Variants in WDFY2 observed in about 807,000 individuals in gnomAD.
The protein encoded by WDFY2 is WD repeat and FYVE domain-containing protein 2.
In WDFY2, 36 loss-of-function variants were observed where a neutral mutation model predicts 56.4. The observed-to-expected ratio is 0.64, with a 90% confidence interval of 0.49 to 0.84. The LOEUF is 0.84. WDFY2 is among the 40% of genes least tolerant of loss of function. The pLI is 0.00. For missense variants in WDFY2, 444 were observed against 512.2 expected (o/e 0.87, Z 1.29); for synonymous variants, 176 against 183.7 (o/e 0.96, Z 0.34).
At position 51,767,129 on chromosome 13, in the gene WDFY2, T is replaced by G. The variant is rs9596570; in HGVS notation, c.*7360T>G. 1.3e-5 allele frequency: 2 copies of G among 152,228 alleles called. No individual in the cohort carries two copies. Among genetic ancestry groups the G allele is most frequent in the Non-Finnish European group, 2.9e-5 (2 of 68,038 alleles). 9.4% of individuals were successfully genotyped at this position (152,228 alleles called of 1,614,324 possible). On this transcript the variant is annotated 3_prime_UTR_variant, in exon 12 of 12. Transcript: ENST00000298125. ...AAAGCCTCATTTAAAACTTGTGAGG[T>G]TCATTTTATGGAGAAGAAAAATAGG... is the stretch of plus-strand genomic sequence containing the variant.
At chr13:51,701,982 G>A (rs146715422) in intron 3 of WDFY2, among the ~76,000 whole-genome samples, 3,071 of 152,202 alleles carry the variant, frequency 0.02, 35 homozygotes, top group Non-Finnish European at 0.029. Flanking sequence ...CACACTATAA[G>A]CACTTTATAG....
chr13:51,647,786 A>C (rs1258927006), intron 1 of WDFY2, among the ~76,000 whole-genome samples: 4 of 151,668 alleles, frequency 2.6e-5, no homozygotes, highest in Admixed American at 6.6e-5. Context: ...AAAAAAAAAA[A>C]ACCTTATGGG....
intron 1 of WDFY2, among the ~76,000 whole-genome samples, chr13:51,652,748 C>T (rs569341320): frequency 6.6e-6 from 1 of 152,230 alleles, no homozygotes; most frequent in Admixed American, 6.5e-5. Flanking sequence ...TCTCTTCTGG[C>T]TTGCAGAGTT....
Position 51,584,555 on chromosome 13 carries a change from C to A in WDFY2, c.-133C>A. On this transcript the variant is annotated 5_prime_UTR_variant, in exon 1 of 12. Coordinates refer to ENST00000298125, the MANE Select transcript of WDFY2 (RefSeq NM_052950.4). Reference sequence around the variant, plus strand: ...TCCCGAGAGAGGCGGCCAGGCTATGCTCGCCGGTTTCCGGCGTTCCGCTCC... The same window carrying A: ...TCCCGAGAGAGGCGGCCAGGCTATGATCGCCGGTTTCCGGCGTTCCGCTCC... 7.8e-7 allele frequency: 1 copy of A among 1,289,462 alleles called. No homozygotes were observed. The highest frequency in any genetic ancestry group is 1.0e-6 in the Non-Finnish European group (1 of 969,696). The allele number at this position is 1,289,462 out of a possible 1,614,324, so 79.9% of individuals were successfully genotyped here.
chr13:51,610,794 C>T (rs756244603), intron 1 of WDFY2, among the ~76,000 whole-genome samples: 6 of 152,184 alleles, frequency 3.9e-5, no homozygotes, highest in East Asian at 3.9e-4. Flanking sequence ...TAGATATTGC[C>T]GCTATTTTAG....
intron 2 of WDFY2, among the ~76,000 whole-genome samples, chr13:51,671,037 G>A (rs1174582010): frequency 6.6e-6 from 1 of 152,134 alleles, no homozygotes; most frequent in Non-Finnish European, 1.5e-5. Flanking sequence ...AGGTTGCTGT[G>A]AATGGCATTA....
chr13:51,724,408 T>G (rs932372936), intron 5 of WDFY2, among the ~76,000 whole-genome samples: 5 of 151,980 alleles, frequency 3.3e-5, no homozygotes, highest in Non-Finnish European at 5.9e-5. Context: ...CAGCTAATTT[T>G]TTGTATTTTT....
chr13:51,690,513 A>G (rs917072641), intron 3 of WDFY2, among the ~76,000 whole-genome samples: 2 of 151,964 alleles, frequency 1.3e-5, no homozygotes, highest in Middle Eastern at 3.2e-3. Context: ...TGTCCCTACA[A>G]AGGACGTGAA....
At chr13:51,661,859 A>G (rs907595863) in intron 2 of WDFY2, among the ~76,000 whole-genome samples, 3 of 152,190 alleles carry the variant, frequency 2.0e-5, no homozygotes, top group African/African-American at 4.8e-5. Flanking sequence ...ACTGTCGTAC[A>G]TTACAGGATC....
intron 5 of WDFY2, among the ~76,000 whole-genome samples, chr13:51,725,584 T>C (rs1952585542): frequency 6.6e-6 from 1 of 152,148 alleles, no homozygotes. Context: ...ATGTCACCAA[T>C]TTGATAGGTT....
In WDFY2 at chr13:51,760,010, A is replaced by T. The variant is rs1953531287; in HGVS notation, c.*241A>T. The T allele has an allele frequency of 2.3e-6, 1 of 442,524 alleles. No homozygotes were observed. The highest frequency in any genetic ancestry group is 2.0e-5 in the African/African-American group (1 of 51,134). 27.4% of individuals were successfully genotyped at this position (442,524 alleles called of 1,614,324 possible). ...TATTTTTTTAACAAATGGTTTATACAGTCTGGCTGTGCTGCATTGTTTTGA... is the reference window on the plus strand; with the variant it reads ...TATTTTTTTAACAAATGGTTTATACTGTCTGGCTGTGCTGCATTGTTTTGA... On this transcript the variant is annotated 3_prime_UTR_variant, in exon 12 of 12. Transcript: ENST00000298125.
chr13:51,749,891 A>G (rs1056748860), intron 7 of WDFY2, among the ~76,000 whole-genome samples: 1 of 152,154 alleles, frequency 6.6e-6, no homozygotes, highest in East Asian at 1.9e-4. Flanking sequence ...AGTTTGTCAG[A>G]ATAGTTATTC....
At chr13:51,665,675 T>A (rs1955687870) in intron 2 of WDFY2, among the ~76,000 whole-genome samples, 1 of 152,150 alleles carries the variant, frequency 6.6e-6, no homozygotes, top group Non-Finnish European at 1.5e-5. Context: ...ATTGCCAACT[T>A]CTCCCTGGGT....
intron 7 of WDFY2, among the ~76,000 whole-genome samples, chr13:51,746,938 A>G (rs1341427837): frequency 6.6e-6 from 1 of 152,250 alleles, no homozygotes; most frequent in East Asian, 1.9e-4. Flanking sequence ...ATCTGCATCC[A>G]GACTAAAAAG....
At chr13:51,710,386 G>A (rs1185718254) in intron 4 of WDFY2, among the ~76,000 whole-genome samples, 1 of 152,114 alleles carries the variant, frequency 6.6e-6, no homozygotes, top group Non-Finnish European at 1.5e-5. Flanking sequence ...ACAAGACAGG[G>A]ATGCCCTCTC....
At chr13:51,687,326 A>G (rs1187968803) in intron 3 of WDFY2, among the ~76,000 whole-genome samples, 3 of 152,008 alleles carry the variant, frequency 2.0e-5, no homozygotes, top group African/African-American at 7.2e-5. Flanking sequence ...CTCTTTATAA[A>G]TAACATTATA....
rs759712766 is a variant in WDFY2, at chr13:51,584,848, G to T, written c.137+24G>T. On this transcript the variant is annotated intron_variant, in intron 1 of 11. Transcript: ENST00000298125. Reference sequence around the variant, plus strand: ...AGGTATGGACTACTGCCATTCGGCCGCGAGGAGGGGCGGGACGGGCCGACG... The same window carrying T: ...AGGTATGGACTACTGCCATTCGGCCTCGAGGAGGGGCGGGACGGGCCGACG... The T allele has an allele frequency of 5.6e-6, 9 of 1,611,222 alleles. No individual in the cohort carries two copies. In the African/African-American group the frequency reaches 8.0e-5, roughly 14 times the overall value.
At chr13:51,615,546 G>A (rs373488142) in intron 1 of WDFY2, among the ~76,000 whole-genome samples, 1 of 152,250 alleles carries the variant, frequency 6.6e-6, no homozygotes, top group Middle Eastern at 3.4e-3. Context: ...TTTAACAAAG[G>A]CCGTTTAAAC....
rs1401250841 is a variant in WDFY2, at chr13:51,692,901, C to T, written c.280-10695C>T. On this transcript the variant is annotated intron_variant, in intron 3 of 11. Transcript: ENST00000298125. ...GTTATTGGTCTATTCAGAGATTCAA[C>T]TTCTTCCTGGTTTAGTCTTGTGAGG... 2.0e-5 allele frequency among the ~76,000 whole-genome samples: 3 copies of T among 152,176 alleles called. No homozygotes were observed. In the East Asian group the frequency reaches 5.8e-4, roughly 29 times the overall value.
Sources: gnomAD v4.1 joint callset for allele counts (sites outside exome capture counted in the v4.1 genomes callset) on GRCh38, gnomAD v4.1.1 for gene constraint, MANE v1.5 for transcripts, NCBI Gene and HGNC (gene_info 2026-07-23, HGNC 2026-07-21) for gene names.